The following CTSS variants were observed in gnomAD, a reference collection of about 807,000 sequenced individuals.
CTSS encodes the protein cathepsin S.
In CTSS, 15 loss-of-function variants were observed where a neutral mutation model predicts 39.9. That is an observed-to-expected ratio of 0.38 (90% confidence interval 0.25 to 0.58). The LOEUF is 0.58. CTSS is among the 20% of genes least tolerant of loss of function. The pLI, the probability that CTSS is intolerant of heterozygous loss-of-function variation, is 0.70. For missense variants in CTSS, 250 were observed against 398.2 expected (o/e 0.63, Z 3.17); for synonymous variants, 126 against 138.2 (o/e 0.91, Z 0.62).
At chr1:150,744,762 A>G (rs923126782) in intron 7 of CTSS, among the ~76,000 whole-genome samples, 3 of 149,418 alleles carry the variant, frequency 2.0e-5, no homozygotes, top group Admixed American at 6.8e-5. Context: ...TGCCTTTAGG[A>G]CAGGATGGTT....
intron 3 of CTSS, 100 bp from the exon 4 acceptor site, chr1:150,755,250 T>A: frequency 7.5e-7 from 1 of 1,332,296 alleles, no homozygotes; most frequent in South Asian, 1.3e-5. Flanking sequence ...CACCATAGTG[T>A]GTACTTACAC....
At chr1:150,755,697 G>A (rs1227347432) in intron 3 of CTSS, among the ~76,000 whole-genome samples, 3 of 151,776 alleles carry the variant, frequency 2.0e-5, no homozygotes, top group Non-Finnish European at 2.9e-5. Context: ...CTGAGATCGC[G>A]CCAGTGCACT....
chr1:150,733,179 G>T, intron 7 of CTSS, 34 bp from the exon 8 acceptor site: 1 of 1,480,560 alleles, frequency 6.8e-7, no homozygotes, highest in Non-Finnish European at 9.4e-7. Context: ...AATTACAAAT[G>T]CGTACAATCA....
chr1:150,734,213 G>C (rs1449238536), intron 7 of CTSS, among the ~76,000 whole-genome samples: 1 of 151,858 alleles, frequency 6.6e-6, no homozygotes, highest in Non-Finnish European at 1.5e-5. Flanking sequence ...TTTTAGTAGA[G>C]ATGGGGTTTC....
At chr1:150,743,496 GATATATAT>G (rs10609824) in intron 7 of CTSS, among the ~76,000 whole-genome samples, 1 of 124,916 alleles carries the variant, frequency 8.0e-6, no homozygotes. Flanking sequence ...GAGGCTGGGA[GATATATAT>G]ATATATATAT....
chr1:150,760,657 T>C (rs1489238132), intron 2 of CTSS, among the ~76,000 whole-genome samples: 1 of 151,770 alleles, frequency 6.6e-6, no homozygotes, highest in Non-Finnish European at 1.5e-5. Context: ...GGTGGGAGGA[T>C]TGTGTGAATC....
chr1:150,749,143 A>G (rs1173994876), intron 6 of CTSS, among the ~76,000 whole-genome samples: 1 of 152,202 alleles, frequency 6.6e-6, no homozygotes, highest in Non-Finnish European at 1.5e-5. Flanking sequence ...GTTCAAGTAA[A>G]AAGAAAAGTT....
chr1:150,736,148 A>C (rs993502075), intron 7 of CTSS, among the ~76,000 whole-genome samples: 1 of 152,200 alleles, frequency 6.6e-6, no homozygotes, highest in Non-Finnish European at 1.5e-5. Context: ...AGCAAAAGCA[A>C]TAACAAGAAT....
At position 150,732,616 on chromosome 1, in the gene CTSS, C is replaced by A. The variant is rs986344811; in HGVS notation, c.*430G>T. The A allele has an allele frequency of 6.5e-6, 1 of 152,778 alleles. No homozygotes were observed. The highest frequency in any genetic ancestry group is 2.4e-5 in the African/African-American group (1 of 41,422). 9.5% of individuals were successfully genotyped at this position (152,778 alleles called of 1,614,324 possible). A position where few individuals can be genotyped will look rare whatever the true frequency, so the allele number is the denominator to read the frequency against. ...GAAGAATCAAACTATATTTTCTTTT[C>A]TGTTTTTTTGAAACAGAGTCTCCAC... On this transcript the variant is annotated 3_prime_UTR_variant, in exon 8 of 8. Coordinates refer to ENST00000368985, the MANE Select transcript of CTSS (RefSeq NM_004079.5).
chr1:150,743,057 T>A (rs1652801008), intron 7 of CTSS, among the ~76,000 whole-genome samples: 1 of 152,088 alleles, frequency 6.6e-6, no homozygotes. Flanking sequence ...ATCTACATAA[T>A]GGCAATAGTT....
Position 150,764,892 on chromosome 1 carries a change from C to T in CTSS, c.-1-128G>A, listed in dbSNP as rs587652178. 49 of 1,091,846 alleles carry T rather than the reference C, an allele frequency of 4.5e-5. 1 individual carries two copies. In the South Asian group the frequency reaches 7.2e-4, roughly 16 times the overall value. 67.6% of individuals were successfully genotyped at this position (1,091,846 alleles called of 1,614,324 possible). A position where few individuals can be genotyped will look rare whatever the true frequency, so the allele number is the denominator to read the frequency against. Reference sequence around the variant, plus strand: ...ACAGACTATTATAAACAGAATTATACAGGAAAATTCCTGGGATATATAGTC... The same window carrying T: ...ACAGACTATTATAAACAGAATTATATAGGAAAATTCCTGGGATATATAGTC... On this transcript the variant is annotated intron_variant, in intron 1 of 7. Transcript: ENST00000368985.
intron 3 of CTSS, 88 bp from the exon 4 acceptor site, chr1:150,755,238 A>G (rs1653096151): frequency 2.1e-6 from 3 of 1,427,682 alleles, no homozygotes; most frequent in Admixed American, 3.5e-5. Context: ...TCATTGTGAA[A>G]ACACCATAGT....
chr1:150,755,271 C>T (rs185565274), intron 3 of CTSS, 121 bp from the exon 4 acceptor site: 4 of 1,098,722 alleles, frequency 3.6e-6, no homozygotes, highest in Non-Finnish European at 4.0e-6. Context: ...AAACCTAGAG[C>T]GTATTGGCTC....
At chr1:150,762,946 G>A (rs940436017) in intron 2 of CTSS, among the ~76,000 whole-genome samples, 1 of 152,086 alleles carries the variant, frequency 6.6e-6, no homozygotes, top group South Asian at 2.1e-4. Context: ...AGCGCAATCA[G>A]TATGTCAATG....
intron 6 of CTSS, among the ~76,000 whole-genome samples, chr1:150,748,794 C>T (rs1383143795): frequency 6.6e-6 from 1 of 152,174 alleles, no homozygotes; most frequent in Non-Finnish European, 1.5e-5. Context: ...ACTCTACATT[C>T]AGCAAGTCTA....
At chr1:150,733,843 C>T (rs1384853680) in intron 7 of CTSS, among the ~76,000 whole-genome samples, 1 of 152,048 alleles carries the variant, frequency 6.6e-6, no homozygotes, top group East Asian at 1.9e-4. Flanking sequence ...TGGCATGCAC[C>T]TGTATTCCTT....
At chr1:150,743,495 A>G (rs1307858871) in intron 7 of CTSS, among the ~76,000 whole-genome samples, 1 of 21,610 alleles carries the variant, frequency 4.6e-5, no homozygotes, top group African/African-American at 6.9e-5. Flanking sequence ...GGAGGCTGGG[A>G]GATATATATA....
At chr1:150,733,576 T>C (rs1331746611) in intron 7 of CTSS, among the ~76,000 whole-genome samples, 2 of 152,134 alleles carry the variant, frequency 1.3e-5, no homozygotes, top group Non-Finnish European at 2.9e-5. Context: ...ATGAAAAAGG[T>C]ATAGGGCAGG....
chr1:150,759,020 TA>T (rs1653196458), intron 2 of CTSS, among the ~76,000 whole-genome samples: 1 of 144,424 alleles, frequency 6.9e-6, no homozygotes, highest in Non-Finnish European at 1.5e-5. Context: ...AGCTTATTTT[TA>T]TTTTTATTTT....
Sources: allele counts gnomAD v4.1 joint callset (sites outside exome capture counted in the v4.1 genomes callset), GRCh38; gene constraint gnomAD v4.1.1; transcripts MANE v1.5; gene names NCBI Gene and HGNC (gene_info 2026-07-23, HGNC 2026-07-21).